MPP7: variants seen among roughly 807,000 people sequenced by gnomAD.
MPP7 encodes the protein MAGUK p55 subfamily member 7.
Under a neutral mutation model 76.5 loss-of-function variants are expected in MPP7, and 60 were observed. The ratio of observed to expected loss-of-function variants is 0.78; its 90% confidence interval spans 0.64 to 0.97. The LOEUF is 0.97. Among genes scored for constraint, MPP7 ranks in the 50% least tolerant of loss-of-function variants. The probability of loss-of-function intolerance (pLI) is 0.00; values close to 1 mark genes in which losing one functional copy is unlikely to be tolerated. For missense variants in MPP7, 641 were observed against 694.0 expected, an observed-to-expected ratio of 0.92 and a Z score of 0.86; for synonymous variants, 237 against 244.5, an observed-to-expected ratio of 0.97 and a Z score of 0.29.
At chr10:28,133,156 A>G (rs1314679279) in intron 5 of MPP7, among the ~76,000 whole-genome samples, 1 of 152,266 alleles carries the variant, frequency 6.6e-6, no homozygotes, top group African/African-American at 2.4e-5. Flanking sequence ...TTTTGCCTGG[A>G]GCACTCCAGT....
chr10:28,193,089 A>G (rs1236771895), intron 3 of MPP7, among the ~76,000 whole-genome samples: 1 of 152,224 alleles, frequency 6.6e-6, no homozygotes, highest in East Asian at 1.9e-4. Flanking sequence ...ATAGAACTCA[A>G]GGTGGACAAT....
At chr10:28,219,509 T>G (rs1158887984) in intron 2 of MPP7, among the ~76,000 whole-genome samples, 1 of 152,116 alleles carries the variant, frequency 6.6e-6, no homozygotes, top group East Asian at 1.9e-4. Context: ...CCTCATAGCT[T>G]CATTATTAGT....
At chr10:28,193,215 G>GTT (rs34271924) in intron 3 of MPP7, among the ~76,000 whole-genome samples, 12 of 136,674 alleles carry the variant, frequency 8.8e-5, no homozygotes, top group Non-Finnish European at 1.6e-4. Context: ...TTGGTTTTTT[G>GTT]TTTTTTTTTT....
intron 3 of MPP7, among the ~76,000 whole-genome samples, chr10:28,158,060 G>A (rs1478231091): frequency 1.3e-5 from 2 of 152,164 alleles, no homozygotes; most frequent in Non-Finnish European, 2.9e-5. Context: ...GTTATTATTA[G>A]TTAGTGATAA....
intron 2 of MPP7, among the ~76,000 whole-genome samples, chr10:28,225,498 G>A (rs1440575321): frequency 6.6e-6 from 1 of 152,072 alleles, no homozygotes; most frequent in Non-Finnish European, 1.5e-5. Context: ...ATTAAAAAAT[G>A]GACAAAAAAC....
chr10:28,223,849 C>G (rs1448738002), intron 2 of MPP7, among the ~76,000 whole-genome samples: 1 of 150,640 alleles, frequency 6.6e-6, no homozygotes, highest in Non-Finnish European at 1.5e-5. Flanking sequence ...CACATGCTCA[C>G]TCTATTAATG....
At chr10:28,118,808 T>A (rs912324867) in intron 11 of MPP7, 1 of 985,408 alleles carries the variant, frequency 1.0e-6, no homozygotes, top group Non-Finnish European at 1.2e-6. Context: ...TTCTGCAAAC[T>A]GACAGAAATC....
intron 1 of MPP7, among the ~76,000 whole-genome samples, chr10:28,293,356 C>T (rs990090742): frequency 3.3e-5 from 5 of 152,170 alleles, no homozygotes; most frequent in Non-Finnish European, 7.3e-5. Flanking sequence ...AATAACATAT[C>T]ACTTTGTGCT....
intron 2 of MPP7, among the ~76,000 whole-genome samples, chr10:28,327,656 T>C (rs1169935864): frequency 2.6e-5 from 4 of 152,188 alleles, no homozygotes; most frequent in African/African-American, 4.8e-5. Context: ...TTTTAACCAA[T>C]GGGGGTGAAT....
At chr10:28,323,013 A>C (rs888422924) in intron 2 of MPP7, among the ~76,000 whole-genome samples, 1 of 152,112 alleles carries the variant, frequency 6.6e-6, no homozygotes, top group Non-Finnish European at 1.5e-5. Context: ...GGGGCCGGGC[A>C]CGGTGGCTCA....
chr10:28,212,114 TAA>T (rs58753537), intron 2 of MPP7, among the ~76,000 whole-genome samples: 2 of 142,238 alleles, frequency 1.4e-5, no homozygotes, highest in Non-Finnish European at 3.1e-5. Context: ...CCCTGTCTCG[TAA>T]AAAAAAAAAA....
chr10:28,260,224 A>G, intron 1 of MPP7, among the ~76,000 whole-genome samples: 1 of 152,148 alleles, frequency 6.6e-6, no homozygotes, highest in East Asian at 1.9e-4. Flanking sequence ...TACATGCTTA[A>G]TTATCTAAAA....
chr10:28,188,938 G>C (rs1171295732), intron 3 of MPP7, among the ~76,000 whole-genome samples: 2 of 151,884 alleles, frequency 1.3e-5, no homozygotes, highest in Admixed American at 1.3e-4. Flanking sequence ...TTTGCAACCA[G>C]TAGACCTGCC....
At position 28,197,087 on chromosome 10, in the gene MPP7, T is replaced by C. The variant is rs531521831; in HGVS notation, c.156+5066A>G. On this transcript the variant is annotated intron_variant, in intron 3 of 16. Transcript: ENST00000683449. The stretch of plus-strand genomic sequence containing the variant: ...TGACCTCAATCCTAAAGGTGGATTG[T>C]TCGCTCTTGCCTCCAGGTGTTCGCA... Among the ~76,000 whole-genome samples the C allele has an allele frequency of 3.0e-4, 45 of 152,222 alleles. 1 individual carries two copies. The South Asian group carries it at 8.9e-3, about 30-fold the overall frequency.
intron 1 of MPP7, among the ~76,000 whole-genome samples, chr10:28,263,466 C>T (rs1840054088): frequency 6.6e-6 from 1 of 152,222 alleles, no homozygotes; most frequent in South Asian, 2.1e-4. Context: ...TCCACCACTG[C>T]CAGTTGGCTC....
intron 11 of MPP7, among the ~76,000 whole-genome samples, chr10:28,091,058 A>G (rs1233398097): frequency 6.6e-6 from 1 of 152,000 alleles, no homozygotes; most frequent in Non-Finnish European, 1.5e-5. Context: ...GAGACAGGAG[A>G]ATCGCTTGAA....
At chr10:28,107,915 CTG>C (rs1834375049) in intron 11 of MPP7, among the ~76,000 whole-genome samples, 1 of 152,200 alleles carries the variant, frequency 6.6e-6, no homozygotes, top group Non-Finnish European at 1.5e-5. Context: ...ATCTGGCACA[CTG>C]TATTATTCTG....
At chr10:28,054,272 T>C in intron 16 of MPP7, 28 bp from the exon 17 acceptor site, 1 of 1,423,324 alleles carries the variant, frequency 7.0e-7, no homozygotes. Context: ...AAAAAAATAA[T>C]TGGTTAACCA....
chr10:28,209,178 C>T (rs771895499), intron 2 of MPP7, among the ~76,000 whole-genome samples: 7 of 152,088 alleles, frequency 4.6e-5, no homozygotes, highest in Non-Finnish European at 8.8e-5. Flanking sequence ...ATAAATTGCC[C>T]AGTCGCAAGT....
Sources: gnomAD v4.1 joint callset for allele counts (sites outside exome capture counted in the v4.1 genomes callset) on GRCh38, gnomAD v4.1.1 for gene constraint, MANE v1.5 for transcripts, NCBI Gene and HGNC (gene_info 2026-07-23, HGNC 2026-07-21) for gene names.